SLC28A3: variants seen among roughly 807,000 people sequenced by gnomAD.
SLC28A3 encodes the protein concentrative Na(+)-nucleoside cotransporter 3.
SLC28A3 carries 68 observed loss-of-function variants against 84.2 expected under a neutral mutation model. That is an observed-to-expected ratio of 0.81 (90% CI 0.66 to 0.99). SLC28A3 has a LOEUF of 0.99. SLC28A3 is among the 50% of genes least tolerant of loss of function. SLC28A3 has a pLI of 0.00. For synonymous variants in SLC28A3, 267 were observed against 303.6 expected (o/e 0.88, Z 1.25); for missense variants, 712 against 841.5 (o/e 0.85, Z 1.90).
At chr9:84,340,174 C>T (rs1048125906) in intron 1 of SLC28A3, among the ~76,000 whole-genome samples, 2 of 152,164 alleles carry the variant, frequency 1.3e-5, no homozygotes, top group Admixed American at 1.3e-4. Flanking sequence ...GGCCATCTGA[C>T]AGGGGCTCCA....
At chr9:84,323,130 G>A (rs771837757) in intron 1 of SLC28A3, among the ~76,000 whole-genome samples, 1 of 152,186 alleles carries the variant, frequency 6.6e-6, no homozygotes, top group Admixed American at 6.6e-5. Flanking sequence ...TATAGGAAGA[G>A]GCAGATTTTA....
intron 1 of SLC28A3, among the ~76,000 whole-genome samples, chr9:84,338,603 A>G (rs1827057868): frequency 6.6e-6 from 1 of 152,136 alleles, no homozygotes; most frequent in African/African-American, 2.4e-5. Context: ...CAGTTTTGCT[A>G]GAAGACAGTG....
At chr9:84,290,035 A>G in intron 11 of SLC28A3, 119 bp downstream of exon 11, 3 of 1,377,766 alleles carry the variant, frequency 2.2e-6, no homozygotes, top group South Asian at 1.6e-5. Context: ...AACTTTTGCC[A>G]TATGGCAAAA....
At chr9:84,310,429 T>A in intron 2 of SLC28A3, 1 of 985,380 alleles carries the variant, frequency 1.0e-6, no homozygotes, top group South Asian at 4.7e-5. Flanking sequence ...CAGTCTCCAA[T>A]AATGTCTCAA....
intron 12 of SLC28A3, among the ~76,000 whole-genome samples, chr9:84,287,651 C>T (rs961089909): frequency 6.6e-6 from 1 of 152,010 alleles, no homozygotes; most frequent in Non-Finnish European, 1.5e-5. Context: ...CCCTTGAGCC[C>T]AGGAGCTGGA....
At chr9:84,306,300 C>T (rs554783799) in intron 3 of SLC28A3, among the ~76,000 whole-genome samples, 6 of 152,232 alleles carry the variant, frequency 3.9e-5, no homozygotes, top group Non-Finnish European at 8.8e-5. Context: ...GGATGTGGCC[C>T]CAAGCTGGGA....
chr9:84,340,635 C>A lies in SLC28A3; in HGVS notation c.-2G>T. On this transcript the variant is annotated 5_prime_UTR_variant, in exon 1 of 18. Coordinates refer to ENST00000376238, the MANE Select transcript of SLC28A3 (RefSeq NM_001199633.2). ...GGCTGCTGTACTCCTCAGCTCCATG[C>A]TCTTTTTGCTGCTGGCTGGCTCTGG... 6.2e-7 allele frequency: 1 copy of A among 1,614,152 alleles called. No homozygotes were observed. The highest frequency in any genetic ancestry group is 8.5e-7 in the Non-Finnish European group (1 of 1,180,020).
chr9:84,352,776 C>T, the SLC28A3 span, among the ~76,000 whole-genome samples: 43 of 150,780 alleles, frequency 2.9e-4, no homozygotes, highest in Non-Finnish European at 5.2e-4. Flanking sequence ...TCCTGTAATC[C>T]CAGCTACCCT....
chr9:84,290,055 C>A, intron 11 of SLC28A3, 99 bp downstream of exon 11: 1 of 1,505,956 alleles, frequency 6.6e-7, no homozygotes, highest in East Asian at 2.4e-5. Context: ...AAAAGACACT[C>A]TCTTGGCCTC....
At chr9:84,280,172 G>T in intron 15 of SLC28A3, 99 bp from the exon 16 acceptor site, 3 of 1,003,524 alleles carry the variant, frequency 3.0e-6, no homozygotes, top group Non-Finnish European at 4.2e-6. Context: ...CAGGTCAGCT[G>T]ACTTTTTTTT....
At chr9:84,300,754 G>A (rs1825597779) in intron 5 of SLC28A3, among the ~76,000 whole-genome samples, 1 of 152,126 alleles carries the variant, frequency 6.6e-6, no homozygotes, top group African/African-American at 2.4e-5. Flanking sequence ...GGGTCCTATG[G>A]GAAAGGGTCT....
At chr9:84,296,889 T>C (rs531605793) in intron 8 of SLC28A3, among the ~76,000 whole-genome samples, 1 of 152,362 alleles carries the variant, frequency 6.6e-6, no homozygotes, top group South Asian at 2.1e-4. Context: ...GGGAACATAA[T>C]ATTCTTTTCC....
At chr9:84,342,980 G>A (rs34131620), upstream of SLC28A3, among the ~76,000 whole-genome samples, 8,216 of 152,088 alleles carry the variant, frequency 0.054, 443 homozygotes, top group East Asian at 0.17. Context: ...TGGCCAACAT[G>A]GTGAAACCCT....
At chr9:84,329,111 GACA>G (rs1826680380) in intron 1 of SLC28A3, among the ~76,000 whole-genome samples, 1 of 152,102 alleles carries the variant, frequency 6.6e-6, no homozygotes, top group African/African-American at 2.4e-5. Flanking sequence ...TAGGTTTTAA[GACA>G]ACAATTGTTA....
At chr9:84,287,435 T>C (rs946171481) in intron 12 of SLC28A3, among the ~76,000 whole-genome samples, 8 of 152,162 alleles carry the variant, frequency 5.3e-5, no homozygotes, top group Non-Finnish European at 1.2e-4. Flanking sequence ...AGCTTTCTTA[T>C]AGGAGGAACC....
upstream of SLC28A3, among the ~76,000 whole-genome samples, chr9:84,343,092 G>GGTGGAGGTTGTGGTGAGTCGA (rs1275052048): frequency 6.6e-6 from 1 of 152,030 alleles, no homozygotes; most frequent in Non-Finnish European, 1.5e-5. Context: ...GAACCCAGGA[G>GGTGGAGGTTGTGGTGAGTCGA]GTGGAGGTTG....
chr9:84,281,507 T>C (rs1824747474), intron 14 of SLC28A3, among the ~76,000 whole-genome samples: 1 of 152,210 alleles, frequency 6.6e-6, no homozygotes, highest in Non-Finnish European at 1.5e-5. Context: ...GGATGTGAAG[T>C]GACTAGAAGT....
At chr9:84,348,909 T>C in the SLC28A3 span, among the ~76,000 whole-genome samples, 1 of 144,404 alleles carries the variant, frequency 6.9e-6, no homozygotes, top group East Asian at 2.0e-4. Context: ...AATAAACTTG[T>C]ATTTTTTTTT....
chr9:84,318,920 A>C (rs1215436023), intron 1 of SLC28A3, among the ~76,000 whole-genome samples: 2 of 152,160 alleles, frequency 1.3e-5, no homozygotes, highest in African/African-American at 4.8e-5. Context: ...TTTCTTGAAG[A>C]AACTGCTAGA....
Sources: allele counts gnomAD v4.1 joint callset (sites outside exome capture counted in the v4.1 genomes callset), GRCh38; gene constraint gnomAD v4.1.1; transcripts MANE v1.5; gene names NCBI Gene and HGNC (gene_info 2026-07-23, HGNC 2026-07-21).